The following BTN2A1 variants were observed in gnomAD, a reference collection of about 807,000 sequenced individuals.
BTN2A1 encodes butyrophilin subfamily 2 member A1.
A neutral mutation model predicts 34.5 loss-of-function variants in BTN2A1; 41 were observed. The ratio of observed to expected loss-of-function variants is 1.19; its 90% CI spans 0.93 to 1.54. BTN2A1 has a LOEUF of 1.54. Among genes scored for constraint, BTN2A1 ranks in the 40% most tolerant of loss-of-function variants. BTN2A1 has a pLI of 0.00. For synonymous variants in BTN2A1, 267 were observed against 258.6 expected (o/e 1.03, Z -0.31); for missense variants, 642 against 662.0 (o/e 0.97, Z 0.33).
exon 8 of BTN2A1, chr6:26,476,138 T>C (rs1159374657): frequency 6.5e-7 from 1 of 1,536,336 alleles, no homozygotes; most frequent in East Asian, 2.4e-5. Context: ...TTTGAAGCTT[T>C]ATATATCATT....
Position 26,469,112 on chromosome 6 carries a change from C to A in BTN2A1, c.*563C>A. 9.1e-7 allele frequency: 1 copy of A among 1,098,976 alleles called. No individual in the cohort carries two copies. Among genetic ancestry groups the A allele is most frequent in the South Asian group, 2.5e-5 (1 of 40,430 alleles). 68.1% of individuals were successfully genotyped at this position (1,098,976 alleles called of 1,614,324 possible). ...CCTGGGAGATGATGGCTCATTTCCACCCAGCCCCAGGATTTCCAGAGCGCA... is the reference window on the plus strand; with the variant it reads ...CCTGGGAGATGATGGCTCATTTCCAACCAGCCCCAGGATTTCCAGAGCGCA... On this transcript the variant is annotated 3_prime_UTR_variant, in exon 8 of 8. Transcript: ENST00000312541.
rs1216352299 is a variant in BTN2A1 at position 26,463,241 on chromosome 6, C to T, written c.431-3C>T. ...TTGCCTGAACCCTGATATCTCTCCACAGGACTAGGCTCTAAGCCCCTCATT... is the reference window on the plus strand; with the variant it reads ...TTGCCTGAACCCTGATATCTCTCCATAGGACTAGGCTCTAAGCCCCTCATT... On this transcript the variant is annotated splice_polypyrimidine_tract_variant and splice_region_variant and intron_variant, in intron 3 of 7. Coordinates refer to ENST00000312541, the MANE Select transcript of BTN2A1 (RefSeq NM_007049.5). 3.2e-6 allele frequency: 5 copies of T among 1,579,166 alleles called. No homozygotes were observed. Among genetic ancestry groups the T allele is most frequent in the Non-Finnish European group, 4.3e-6 (5 of 1,164,540 alleles).
intron 3 of BTN2A1, chr6:26,463,039 T>A: frequency 4.3e-6 from 4 of 926,548 alleles, no homozygotes; most frequent in Non-Finnish European, 6.2e-6. Flanking sequence ...GCTCACAGTT[T>A]ATGTGGCCCA....
chr6:26,474,247 G>C (rs989002915), downstream of BTN2A1, among the ~76,000 whole-genome samples: 1 of 152,102 alleles, frequency 6.6e-6, no homozygotes, highest in African/African-American at 2.4e-5. Context: ...AACTTCAGTC[G>C]GCGGCAGTCA....
chr6:26,458,787 G>A (rs7750281), intron 2 of BTN2A1, 69 bp downstream of exon 2: 1 of 1,567,066 alleles, frequency 6.4e-7, no homozygotes, highest in Non-Finnish European at 8.8e-7. Flanking sequence ...TCTGCAAAGG[G>A]AAAGAAAGAA....
chr6:26,471,003 C>T (rs1433701463), downstream of BTN2A1, among the ~76,000 whole-genome samples: 3 of 152,168 alleles, frequency 2.0e-5, no homozygotes, highest in Non-Finnish European at 4.4e-5. Context: ...CTGACTGAAA[C>T]GATCAGGCAT....
In BTN2A1 at chr6:26,468,779, A is replaced by G. The variant is rs776526182; in HGVS notation, c.*230A>G. 9.4e-6 allele frequency: 15 copies of G among 1,600,386 alleles called. 1 individual carries two copies. In the South Asian group the frequency reaches 1.7e-4, roughly 18 times the overall value. On this transcript the variant is annotated 3_prime_UTR_variant, in exon 8 of 8. Transcript: ENST00000312541. ...TGTAACTATGGGATGGGATCCAGGC[A>G]TAGGGAACTAGTTGTTACACAGCTC...
rs760315058 is a variant in BTN2A1, at chr6:26,465,989, C to G, written c.955+16C>G. ...GAAGAATTGCGTAAGTTTAGCCTTT[C>G]CTTAACTACATGTACAATTTGAGTT... On this transcript the variant is annotated intron_variant, in intron 6 of 7. Transcript: ENST00000312541. The G allele has an allele frequency of 1.2e-6, 2 of 1,614,066 alleles. No homozygotes were observed. The highest frequency in any genetic ancestry group is 2.7e-5 in the African/African-American group (2 of 74,930).
intron 4 of BTN2A1, 40 bp downstream of exon 4, chr6:26,463,565 G>T (rs1409690713): frequency 1.3e-6 from 2 of 1,586,730 alleles, no homozygotes; most frequent in African/African-American, 2.7e-5. Context: ...AGTGCATGGG[G>T]GATCCTCAGC....
chr6:26,459,162 C>T (rs562030653), intron 2 of BTN2A1, among the ~76,000 whole-genome samples: 9 of 152,230 alleles, frequency 5.9e-5, no homozygotes, highest in Admixed American at 2.0e-4. Flanking sequence ...TCCTATTGCA[C>T]GGCTCAAGTT....
At chr6:26,475,964 A>G (rs1182451246) in intron 7 of BTN2A1, among the ~76,000 whole-genome samples, 1 of 152,096 alleles carries the variant, frequency 6.6e-6, no homozygotes, top group East Asian at 1.9e-4. Flanking sequence ...TTTTCTGTTG[A>G]TTTCCTGGGC....
chr6:26,476,228 T>C lies in BTN2A1; in HGVS notation c.*96T>C, dbSNP rs1763536477. ...CACTGGAGAGAAGACACAGCAGGATTCAGATGCAAATGACCAGAGCACTCC... is the reference window on the plus strand; with the variant it reads ...CACTGGAGAGAAGACACAGCAGGATCCAGATGCAAATGACCAGAGCACTCC... On this transcript the variant is annotated 3_prime_UTR_variant, in exon 8 of 8. Coordinates refer to the BTN2A1 transcript ENST00000469185. The C allele has an allele frequency of 1.3e-6, 2 of 1,488,460 alleles. 1 individual carries two copies. The highest frequency in any genetic ancestry group is 2.4e-5 in the South Asian group (2 of 83,060). The allele number at this position is 1,488,460 out of a possible 1,614,324, so 92.2% of individuals were successfully genotyped here.
In BTN2A1 at chr6:26,458,642, A is replaced by G. The variant is rs1170304285; in HGVS notation, c.6A>G (p.Glu2=). 2 of 1,613,894 alleles carry G rather than the reference A, an allele frequency of 1.2e-6. No homozygotes were observed. Among genetic ancestry groups the G allele is most frequent in the Non-Finnish European group, 8.5e-7 (1 of 1,179,976 alleles). The change falls in exon 2 of 8, where the codon GAA becomes GAG. Residue 2 remains glutamate (E), a synonymous_variant. Transcript: ENST00000312541. ...CCTGCCTGCTCTGGGTGCTCATGGA[A>G]TCAGCTGCTGCCCTGCACTTCTCCC... is the stretch of plus-strand genomic sequence containing the variant. M[E]SAAALHFSRP... is the part of the protein sequence containing the mutation.
At chr6:26,465,451 C>G (rs201650489) in intron 5 of BTN2A1, 45 bp downstream of exon 5, 1 of 1,571,892 alleles carries the variant, frequency 6.4e-7, no homozygotes, top group East Asian at 2.2e-5. Flanking sequence ...AATCCCAGCA[C>G]TGTGGGAGGC....
downstream of BTN2A1, among the ~76,000 whole-genome samples, chr6:26,473,140 G>T (rs1173144327): frequency 2.6e-5 from 4 of 152,250 alleles, no homozygotes. Flanking sequence ...GCTTTAAACT[G>T]TCTTCAGCTT....
chr6:26,463,472 CT>C lies in BTN2A1; in HGVS notation c.660del (p.Ile221SerfsTer38), dbSNP rs1763227954. ...RDKSVRNMSC[S>X]INNTLLGQKK... ...AAGTCTGTGAGGAACATGTCCTGCT[CT>C]ATCAACAACACCCTGCTCGGCCAGA... On this transcript the variant is annotated frameshift_variant, in exon 4 of 8. Coordinates refer to ENST00000312541, the MANE Select transcript of BTN2A1 (RefSeq NM_007049.5). LOFTEE classifies it high-confidence loss of function. The C allele has an allele frequency of 6.2e-7, 1 of 1,614,054 alleles. No homozygotes were observed. Among genetic ancestry groups the C allele is most frequent in the Non-Finnish European group, 8.5e-7 (1 of 1,180,024 alleles).
chr6:26,464,963 G>C (rs1424489589), intron 4 of BTN2A1, among the ~76,000 whole-genome samples: 1 of 152,166 alleles, frequency 6.6e-6, no homozygotes, highest in Non-Finnish European at 1.5e-5. Flanking sequence ...ATTCATCCTG[G>C]TCCTTCCCAT....
chr6:26,467,708 G>A (rs1380057667), intron 7 of BTN2A1: 14 of 1,587,086 alleles, frequency 8.8e-6, no homozygotes, highest in South Asian at 5.7e-5. Context: ...TAAACTTTCC[G>A]GATTTCTTAG....
At chr6:26,462,610 G>A (rs1460910429) in intron 3 of BTN2A1, among the ~76,000 whole-genome samples, 1 of 152,192 alleles carries the variant, frequency 6.6e-6, no homozygotes, top group Non-Finnish European at 1.5e-5. Flanking sequence ...GTGTGAATTA[G>A]GATTAGAGTT....
Sources: gnomAD v4.1 joint callset for allele counts (sites outside exome capture counted in the v4.1 genomes callset) on GRCh38, gnomAD v4.1.1 for gene constraint, MANE v1.5 for transcripts, NCBI Gene and HGNC (gene_info 2026-07-23, HGNC 2026-07-21) for gene names.